Variants in ETNK1 observed in about 807,000 individuals in gnomAD.
The protein encoded by ETNK1 is ethanolamine kinase 1, also known as putative protein product of Nbla10396.
Under a neutral mutation model 45.1 loss-of-function variants are expected in ETNK1, and 8 were observed. That is an observed-to-expected ratio of 0.18 (90% confidence interval 0.10 to 0.32). ETNK1 has a LOEUF of 0.32. Ranked by LOEUF, ETNK1 falls within the 10% of genes least tolerant of loss-of-function variation. The pLI, the probability that ETNK1 is intolerant of heterozygous loss-of-function variation, is 1.00. For missense variants in ETNK1, 302 were observed against 430.6 expected, an observed-to-expected ratio of 0.70 and a Z score of 2.64; for synonymous variants, 152 against 151.9, an observed-to-expected ratio of 1.00 and a Z score of -0.01.
intron 4 of ETNK1, among the ~76,000 whole-genome samples, chr12:22,661,813 C>A (rs1279333663): frequency 6.6e-6 from 1 of 152,014 alleles, no homozygotes; most frequent in Admixed American, 6.6e-5. Flanking sequence ...TAGACTGATA[C>A]TTTTTGGTGA....
At chr12:22,639,946 T>C (rs966202021) in intron 1 of ETNK1, among the ~76,000 whole-genome samples, 3 of 152,184 alleles carry the variant, frequency 2.0e-5, no homozygotes, top group Non-Finnish European at 4.4e-5. Flanking sequence ...TCTCATTAAT[T>C]AGATCGGTTT....
intron 6 of ETNK1, among the ~76,000 whole-genome samples, chr12:22,676,999 G>A (rs1389298710): frequency 1.3e-5 from 2 of 152,134 alleles, no homozygotes; most frequent in Admixed American, 1.3e-4. Flanking sequence ...CTGTGCAGAA[G>A]CTCTTTAGTT....
intron 6 of ETNK1, among the ~76,000 whole-genome samples, chr12:22,683,698 G>A (rs1354596649): frequency 1.3e-5 from 2 of 152,162 alleles, no homozygotes; most frequent in African/African-American, 4.8e-5. Flanking sequence ...CAAGGTCATG[G>A]CTGTTGAATA....
chr12:22,676,785 ATGTT>A (rs940680339), intron 6 of ETNK1, among the ~76,000 whole-genome samples: 2 of 151,372 alleles, frequency 1.3e-5, no homozygotes, highest in African/African-American at 2.4e-5. Context: ...TTTTTTTCAT[ATGTT>A]TGTTGACCGT....
intron 1 of ETNK1, among the ~76,000 whole-genome samples, chr12:22,628,236 C>T (rs1310580958): frequency 6.6e-6 from 1 of 151,980 alleles, no homozygotes; most frequent in Non-Finnish European, 1.5e-5. Context: ...ACTGAATTTG[C>T]CGTTTACAAA....
intron 6 of ETNK1, among the ~76,000 whole-genome samples, chr12:22,679,440 C>T (rs567267037): frequency 1.4e-4 from 21 of 150,858 alleles, no homozygotes; most frequent in African/African-American, 5.1e-4. Flanking sequence ...TGGATGATAC[C>T]AGCCGACATT....
intron 2 of ETNK1, among the ~76,000 whole-genome samples, chr12:22,646,141 T>C (rs1465450534): frequency 6.6e-6 from 1 of 151,854 alleles, no homozygotes; most frequent in African/African-American, 2.4e-5. Flanking sequence ...TGCTATTTAA[T>C]TTGTTTCGCT....
At chr12:22,663,559 A>G (rs1056011859) in intron 4 of ETNK1, among the ~76,000 whole-genome samples, 1 of 152,142 alleles carries the variant, frequency 6.6e-6, no homozygotes, top group African/African-American at 2.4e-5. Flanking sequence ...TTAAGTGGTC[A>G]CTTATCTCTA....
At chr12:22,675,684 T>C (rs1343324754) in intron 6 of ETNK1, among the ~76,000 whole-genome samples, 4 of 152,122 alleles carry the variant, frequency 2.6e-5, no homozygotes, top group Non-Finnish European at 5.9e-5. Context: ...GTAAAATTAT[T>C]GGTAAATTGG....
intron 2 of ETNK1, among the ~76,000 whole-genome samples, chr12:22,653,339 C>G (rs955762558): frequency 6.6e-6 from 1 of 152,072 alleles, no homozygotes. Flanking sequence ...TTTAGCTACT[C>G]GGGTCCCTTG....
At chr12:22,671,841 T>TAAAAAAAAAAAA (rs555930582) in intron 5 of ETNK1, among the ~76,000 whole-genome samples, 1 of 98,254 alleles carries the variant, frequency 1.0e-5, no homozygotes, top group Non-Finnish European at 2.0e-5. Flanking sequence ...TCCATCTCAT[T>TAAAAAAAAAAAA]AAAAAAAAAA....
chr12:22,638,629 A>G (rs1254000540), intron 1 of ETNK1: 3 of 152,096 alleles, frequency 2.0e-5, no homozygotes, highest in East Asian at 3.9e-4. Flanking sequence ...ATATTATATT[A>G]TATAATTCTC....
chr12:22,648,877 A>G (rs1314973547), intron 2 of ETNK1, among the ~76,000 whole-genome samples: 2 of 152,086 alleles, frequency 1.3e-5, no homozygotes, highest in African/African-American at 4.8e-5. Context: ...CATCCTCACC[A>G]GCATTGGGTG....
intron 6 of ETNK1, among the ~76,000 whole-genome samples, chr12:22,680,110 C>T (rs1014865190): frequency 6.6e-6 from 1 of 152,256 alleles, no homozygotes; most frequent in Middle Eastern, 3.4e-3. Flanking sequence ...TTCTCCCAGC[C>T]CTCTTACATG....
chr12:22,661,115 A>C lies in ETNK1; in HGVS notation c.610A>C (p.Met204Leu). The change falls in exon 4 of 8, where the codon ATG (methionine) becomes CTG (leucine). Residue 204 changes from methionine to leucine, a missense_variant. Physicochemically the swap from Met to Leu is conservative, Grantham distance 15. Coordinates refer to ENST00000266517, the MANE Select transcript of ETNK1 (RefSeq NM_018638.5). ...GATTCTCCAGGAAGAGATGACTTGGATGAAGGAGATTCTTTCCAACCTGGG... is the reference window on the plus strand; with the variant it reads ...GATTCTCCAGGAAGAGATGACTTGGCTGAAGGAGATTCTTTCCAACCTGGG... ...SQILQEEMTW[M>L]KEILSNLGSP... is the part of the protein sequence containing the mutation. 1 of 1,612,790 alleles carries C rather than the reference A, an allele frequency of 6.2e-7. No individual in the cohort carries two copies. Among genetic ancestry groups the C allele is most frequent in the Non-Finnish European group, 8.5e-7 (1 of 1,179,510 alleles).
At chr12:22,678,150 G>A (rs1454989387) in intron 6 of ETNK1, among the ~76,000 whole-genome samples, 1 of 152,082 alleles carries the variant, frequency 6.6e-6, no homozygotes, top group Non-Finnish European at 1.5e-5. Context: ...TCCTCCGACT[G>A]TTTATTAAGT....
chr12:22,635,942 C>A (rs747574037), intron 1 of ETNK1, among the ~76,000 whole-genome samples: 2 of 152,104 alleles, frequency 1.3e-5, no homozygotes, highest in Non-Finnish European at 2.9e-5. Flanking sequence ...CTTTGGGAGC[C>A]TGAGGTGGGC....
chr12:22,658,707 A>G (rs147551057), intron 2 of ETNK1, among the ~76,000 whole-genome samples: 1 of 152,156 alleles, frequency 6.6e-6, no homozygotes, highest in Non-Finnish European at 1.5e-5. Flanking sequence ...TAAGAGTAAC[A>G]TCAAAGTAAG....
In ETNK1 at chr12:22,687,379, A is replaced by C. The variant is rs2137582983; in HGVS notation, c.*2425A>C. ...AAGATGTCTGTTGCCTTTTTATGTT[A>C]AGCTAAGGAACTTGAATGCCTTACC... On this transcript the variant is annotated 3_prime_UTR_variant, in exon 8 of 8. Transcript: ENST00000266517. 6.6e-6 allele frequency: 1 copy of C among 152,336 alleles called. No homozygotes were observed. The highest frequency in any genetic ancestry group is 2.4e-5 in the African/African-American group (1 of 41,508). 9.4% of individuals were successfully genotyped at this position (152,336 alleles called of 1,614,324 possible). A position where few individuals can be genotyped will look rare whatever the true frequency, so the allele number is the denominator to read the frequency against.
Sources: allele counts gnomAD v4.1 joint callset (sites outside exome capture counted in the v4.1 genomes callset), GRCh38; gene constraint gnomAD v4.1.1; transcripts MANE v1.5; gene names NCBI Gene and HGNC (gene_info 2026-07-23, HGNC 2026-07-21).